LPP: variants seen among roughly 807,000 people sequenced by gnomAD.
LPP encodes lipoma-preferred partner.
In LPP, 38 loss-of-function variants were observed where a neutral mutation model predicts 60.4. The ratio of observed to expected loss-of-function variants is 0.63; its 90% CI spans 0.49 to 0.83. The LOEUF (loss-of-function observed/expected upper bound fraction) is 0.83. Among genes scored for constraint, LPP ranks in the 40% least tolerant of loss-of-function variants. The pLI, the probability that LPP is intolerant of heterozygous loss-of-function variation, is 0.00. For missense variants in LPP, 902 were observed against 783.6 expected (o/e 1.15, Z -1.80); for synonymous variants, 328 against 290.8 (o/e 1.13, Z -1.30).
At chr3:188,355,216 C>G (rs1767230499) in intron 3 of LPP, among the ~76,000 whole-genome samples, 1 of 152,106 alleles carries the variant, frequency 6.6e-6, no homozygotes. Flanking sequence ...ACCATATTGG[C>G]CATGCTGGTC....
At chr3:188,184,549 G>A (rs886212423) in intron 1 of LPP, among the ~76,000 whole-genome samples, 1 of 152,212 alleles carries the variant, frequency 6.6e-6, no homozygotes, top group African/African-American at 2.4e-5. Context: ...TAGGTTGTAG[G>A]AAGGTGGTAT....
chr3:188,607,418 A>ATATAATT (rs1842732460), intron 6 of LPP, among the ~76,000 whole-genome samples: 1 of 38,498 alleles, frequency 2.6e-5, no homozygotes, highest in African/African-American at 6.9e-5. Flanking sequence ...TATATATATA[A>ATATAATT]TTTTTTTTTC....
chr3:188,193,850 C>A (rs1287798490), intron 1 of LPP, among the ~76,000 whole-genome samples: 1 of 152,122 alleles, frequency 6.6e-6, no homozygotes, highest in Admixed American at 6.5e-5. Flanking sequence ...GCAGCCTATG[C>A]ATCAATGGTT....
intron 4 of LPP, among the ~76,000 whole-genome samples, chr3:188,471,785 C>T (rs768046484): frequency 3.2e-4 from 48 of 152,178 alleles, no homozygotes; most frequent in Non-Finnish European, 5.6e-4. Flanking sequence ...TAATGTAATG[C>T]ATTTATGGTT....
intron 4 of LPP, among the ~76,000 whole-genome samples, chr3:188,409,962 T>G (rs887129130): frequency 6.6e-6 from 1 of 152,224 alleles, no homozygotes; most frequent in Non-Finnish European, 1.5e-5. Context: ...AACCTTGTAC[T>G]ATATTCTAAT....
intron 7 of LPP, among the ~76,000 whole-genome samples, chr3:188,640,587 A>T (rs962134093): frequency 1.3e-5 from 2 of 151,566 alleles, no homozygotes; most frequent in Non-Finnish European, 2.9e-5. Context: ...ATGGTATCCC[A>T]TAAAAGTTAC....
At chr3:188,238,256 T>C (rs535723387) in intron 2 of LPP, among the ~76,000 whole-genome samples, 1 of 152,376 alleles carries the variant, frequency 6.6e-6, no homozygotes, top group South Asian at 2.1e-4. Context: ...GGGAATTTTG[T>C]GGCTGGTTTG....
chr3:188,793,068 G>A (rs1744268531), intron 9 of LPP, among the ~76,000 whole-genome samples: 1 of 152,148 alleles, frequency 6.6e-6, no homozygotes, highest in Non-Finnish European at 1.5e-5. Context: ...TGTGGTGGCT[G>A]TCAGTGTCAG....
intron 7 of LPP, among the ~76,000 whole-genome samples, chr3:188,696,553 C>T (rs764543082): frequency 3.3e-5 from 5 of 152,262 alleles, no homozygotes; most frequent in South Asian, 4.1e-4. Flanking sequence ...CACTGCTCTC[C>T]AGCCTGGGCA....
At chr3:188,249,276 A>T (rs1479936) in intron 2 of LPP, among the ~76,000 whole-genome samples, 22 of 151,670 alleles carry the variant, frequency 1.5e-4, no homozygotes, top group Non-Finnish European at 1.8e-4. Flanking sequence ...TCATGCCTAT[A>T]GTCTCAGCTA....
chr3:188,530,366 A>G (rs542834523), intron 6 of LPP, among the ~76,000 whole-genome samples: 40 of 152,346 alleles, frequency 2.6e-4, no homozygotes, highest in Admixed American at 2.5e-3. Flanking sequence ...TTGAAACCAA[A>G]ATTTCTAAAC....
chr3:188,573,421 C>T (rs987016659), intron 6 of LPP, among the ~76,000 whole-genome samples: 2 of 152,108 alleles, frequency 1.3e-5, no homozygotes, highest in Non-Finnish European at 2.9e-5. Flanking sequence ...AAATGACCTA[C>T]ACTTACAATG....
At chr3:188,315,081 T>C (rs1334692472) in intron 2 of LPP, among the ~76,000 whole-genome samples, 1 of 152,276 alleles carries the variant, frequency 6.6e-6, no homozygotes, top group East Asian at 1.9e-4. Context: ...TTTTTACATT[T>C]TTTTTCTGTA....
intron 2 of LPP, chr3:188,313,046 A>T (rs1578034859): frequency 6.6e-6 from 1 of 152,218 alleles, no homozygotes; most frequent in African/African-American, 2.4e-5. Context: ...TGACGAGTTA[A>T]TGGGTGCAGC....
chr3:188,553,432 T>C (rs1828688710), intron 6 of LPP, among the ~76,000 whole-genome samples: 1 of 152,120 alleles, frequency 6.6e-6, no homozygotes, highest in African/African-American at 2.4e-5. Flanking sequence ...AGAGATGCCT[T>C]GGAATGGCCG....
At chr3:188,800,116 G>A (rs946697301) in intron 9 of LPP, among the ~76,000 whole-genome samples, 1 of 149,296 alleles carries the variant, frequency 6.7e-6, no homozygotes. Context: ...AATTCTATAG[G>A]ATACATGAAC....
At position 188,885,051 on chromosome 3, in the gene LPP, C is replaced by T. The variant is rs1027285963; in HGVS notation, c.*10572C>T. 1 of 215,530 alleles carries T rather than the reference C, an allele frequency of 4.6e-6. No homozygotes were observed. The highest frequency in any genetic ancestry group is 2.3e-5 in the African/African-American group (1 of 44,368). 13.4% of individuals were successfully genotyped at this position (215,530 alleles called of 1,614,324 possible). On this transcript the variant is annotated 3_prime_UTR_variant, in exon 12 of 12. Transcript: ENST00000617246. ...CTCCATGTATGCTCTAGAAGTTGCT[C>T]TACGTAACAGTTCAGCAAGCAAGTG...
At chr3:188,396,822 C>T (rs974890848) in intron 3 of LPP, among the ~76,000 whole-genome samples, 8 of 150,408 alleles carry the variant, frequency 5.3e-5, no homozygotes, top group Non-Finnish European at 1.0e-4. Context: ...CTAAGGAGCC[C>T]GTTTTTTTGC....
intron 1 of LPP, among the ~76,000 whole-genome samples, chr3:188,172,064 G>C (rs953938015): frequency 1.3e-5 from 2 of 152,212 alleles, no homozygotes; most frequent in Non-Finnish European, 2.9e-5. Context: ...GGTAACCTCG[G>C]CGAGGTTTGG....
Sources: gnomAD v4.1 joint callset for allele counts (sites outside exome capture counted in the v4.1 genomes callset) on GRCh38, gnomAD v4.1.1 for gene constraint, MANE v1.5 for transcripts, NCBI Gene and HGNC (gene_info 2026-07-23, HGNC 2026-07-21) for gene names.